The following PLCL2 variants were observed in gnomAD, a reference collection of about 807,000 sequenced individuals.
The protein encoded by PLCL2 is phospholipase C like 2, also known as inactive phospholipase C-like protein 2.
A neutral mutation model predicts 79.6 loss-of-function variants in PLCL2; 4 were observed. The ratio of observed to expected loss-of-function variants is 0.05; its 90% CI spans 0.02 to 0.11. The LOEUF is 0.11. PLCL2 is among the 10% of genes least tolerant of loss of function. The pLI, the probability that PLCL2 is intolerant of heterozygous loss-of-function variation, is 1.00. For synonymous variants in PLCL2, 484 were observed against 457.7 expected (o/e 1.06, Z -0.73); for missense variants, 895 against 1,291.0 (o/e 0.69, Z 4.70).
chr3:17,079,347 A>G (rs1255788964), intron 5 of PLCL2, among the ~76,000 whole-genome samples: 1 of 152,134 alleles, frequency 6.6e-6, no homozygotes, highest in Non-Finnish European at 1.5e-5. Context: ...GCTGCTCCTG[A>G]ATGCTAACCC....
At chr3:17,074,506 A>G (rs997822922) in intron 5 of PLCL2, among the ~76,000 whole-genome samples, 2 of 152,240 alleles carry the variant, frequency 1.3e-5, no homozygotes, top group African/African-American at 4.8e-5. Context: ...CACCAGCTGC[A>G]TTATTCCCTA....
intron 1 of PLCL2, among the ~76,000 whole-genome samples, chr3:16,955,216 A>T (rs1014599606): frequency 1.3e-5 from 2 of 152,192 alleles, no homozygotes; most frequent in Admixed American, 6.5e-5. Context: ...AGGTGTAAGG[A>T]AGGCATCCAG....
At chr3:17,053,733 G>T (rs1441269403) in intron 4 of PLCL2, among the ~76,000 whole-genome samples, 1 of 152,158 alleles carries the variant, frequency 6.6e-6, no homozygotes. Context: ...TCGAAAGGGA[G>T]AAATCAGCCA....
chr3:17,042,392 A>G (rs572808900), intron 3 of PLCL2, among the ~76,000 whole-genome samples: 3 of 152,360 alleles, frequency 2.0e-5, no homozygotes, highest in Non-Finnish European at 2.9e-5. Flanking sequence ...AATGGTATCA[A>G]ATAAATAAAT....
At chr3:17,023,912 G>T (rs1278182488) in intron 3 of PLCL2, among the ~76,000 whole-genome samples, 3 of 152,178 alleles carry the variant, frequency 2.0e-5, no homozygotes, top group African/African-American at 7.2e-5. Context: ...GGCAGCATCT[G>T]TGAAAAGAAA....
At chr3:17,036,910 T>C (rs771395711) in intron 3 of PLCL2, among the ~76,000 whole-genome samples, 5 of 152,206 alleles carry the variant, frequency 3.3e-5, no homozygotes, top group Non-Finnish European at 7.3e-5. Context: ...GAATGCTGTG[T>C]GAAACCTCTT....
At chr3:16,934,180 G>A (rs760866492) in intron 1 of PLCL2, among the ~76,000 whole-genome samples, 2 of 152,184 alleles carry the variant, frequency 1.3e-5, no homozygotes, top group African/African-American at 2.4e-5. Context: ...GAAGTGACCC[G>A]AGACACCTGT....
chr3:17,005,946 C>T (rs2064256094), intron 1 of PLCL2, among the ~76,000 whole-genome samples: 1 of 152,072 alleles, frequency 6.6e-6, no homozygotes, highest in Non-Finnish European at 1.5e-5. Flanking sequence ...AGTATAACAG[C>T]CAATTCTGAG....
At chr3:17,004,702 AG>A (rs1043799220) in intron 1 of PLCL2, among the ~76,000 whole-genome samples, 2 of 152,072 alleles carry the variant, frequency 1.3e-5, no homozygotes, top group African/African-American at 4.8e-5. Flanking sequence ...CTTTCAATTC[AG>A]AGTTATTGTT....
rs757644409 is a variant in PLCL2, at chr3:17,010,087, G to A, written c.741G>A (p.Arg247=). ...DVANIWVTGL[R]YLISYGKHTL... ...CAAACATCTGGGTTACAGGACTGCGGTACCTAATTTCTTATGGAAAACATA... is the reference window on the plus strand; with the variant it reads ...CAAACATCTGGGTTACAGGACTGCGATACCTAATTTCTTATGGAAAACATA... Residue 247 remains arginine, a synonymous_variant, in exon 2 of 6, where the codon CGG becomes CGA. Transcript: ENST00000615277. This position sits in a 1 kb window ranked among gnomAD's most constrained non-coding sequence, Gnocchi z 5.8. 3 of 1,613,834 alleles carry A rather than the reference G, an allele frequency of 1.9e-6. No individual in the cohort carries two copies. Among genetic ancestry groups the A allele is most frequent in the African/African-American group, 2.7e-5 (2 of 74,926 alleles).
At chr3:16,922,596 T>C (rs1313219204) in intron 1 of PLCL2, among the ~76,000 whole-genome samples, 2 of 152,202 alleles carry the variant, frequency 1.3e-5, no homozygotes, top group Non-Finnish European at 2.9e-5. Context: ...TATTAGGTGC[T>C]GTTGAAGATA....
chr3:16,956,367 C>T (rs1036406491), intron 1 of PLCL2, among the ~76,000 whole-genome samples: 62 of 152,216 alleles, frequency 4.1e-4, no homozygotes, highest in Admixed American at 3.5e-3. Context: ...CCTTGCATCC[C>T]GGGGATGAAG....
chr3:17,029,501 CAT>C (rs1448258435), intron 3 of PLCL2, among the ~76,000 whole-genome samples: 2 of 152,066 alleles, frequency 1.3e-5, no homozygotes, highest in African/African-American at 4.8e-5. Context: ...GAACATCCCT[CAT>C]ATGTGTACAG....
chr3:16,919,254 T>G (rs1312661518), intron 1 of PLCL2, among the ~76,000 whole-genome samples: 1 of 152,154 alleles, frequency 6.6e-6, no homozygotes, highest in Non-Finnish European at 1.5e-5. Flanking sequence ...ACTGCATTAT[T>G]TTTGTACTAT....
chr3:16,988,915 G>C (rs2064077486), intron 1 of PLCL2, among the ~76,000 whole-genome samples: 1 of 151,986 alleles, frequency 6.6e-6, no homozygotes, highest in African/African-American at 2.4e-5. Flanking sequence ...TAGCCTCTTA[G>C]ATACTATCAG....
rs757563965 is a variant in PLCL2 at position 17,068,060 on chromosome 3, T to C, written c.3199T>C (p.Leu1067=). The C allele has an allele frequency of 1.3e-6, 2 of 1,564,602 alleles. No individual in the cohort carries two copies. The highest frequency in any genetic ancestry group is 1.8e-6 in the Non-Finnish European group (2 of 1,135,818). The change falls in exon 5 of 6, where the codon TTA becomes CTA. Residue 1067 remains leucine, a synonymous_variant. Transcript: ENST00000615277. ...GAGCTTTACCTGGAATATTACCATC[T>C]TAAAGGTATCTATAGAGTTGTTTCT... ...VESFTWNITI[L]KGQADLLKYA... is the part of the protein sequence containing the mutation.
At chr3:17,040,625 A>T (rs2064709709) in intron 3 of PLCL2, among the ~76,000 whole-genome samples, 1 of 152,118 alleles carries the variant, frequency 6.6e-6, no homozygotes, top group Non-Finnish European at 1.5e-5. Context: ...CTCCTCACAC[A>T]TCCTTTCATT....
chr3:17,037,215 A>G (rs1248543759), intron 3 of PLCL2, among the ~76,000 whole-genome samples: 2 of 152,190 alleles, frequency 1.3e-5, no homozygotes, highest in Non-Finnish European at 1.5e-5. Context: ...TCCCAAGGTC[A>G]TCCTGAGCCT....
At position 17,025,110 on chromosome 3, in the gene PLCL2, G is replaced by A. The variant is rs193139827; in HGVS notation, c.3018+10199G>A. On this transcript the variant is annotated intron_variant, in intron 3 of 5. Transcript: ENST00000615277. ...CAGGTAGGATGATGTGAAGCCTGTC[G>A]TGGTTGTTCACTGCACCTGTGAATG... Among the ~76,000 whole-genome samples the A allele has an allele frequency of 1.2e-4, 19 of 152,268 alleles. 1 individual carries two copies. Among genetic ancestry groups the A allele is most frequent in the Non-Finnish European group, 2.9e-5 (2 of 68,004 alleles).
Sources: gnomAD v4.1 joint callset for allele counts (sites outside exome capture counted in the v4.1 genomes callset) on GRCh38, gnomAD v4.1.1 for gene constraint, Gnocchi (gnomAD v3.1) non-coding constraint, MANE v1.5 for transcripts, NCBI Gene and HGNC (gene_info 2026-07-23, HGNC 2026-07-21) for gene names.